GTF2A1L: variants seen among roughly 807,000 people sequenced by gnomAD.
GTF2A1L encodes the protein TFIIA-alpha and beta-like factor.
A neutral mutation model predicts 49.7 loss-of-function variants in GTF2A1L; 48 were observed. That is an observed-to-expected ratio of 0.97 (90% CI 0.77 to 1.23). The LOEUF (loss-of-function observed/expected upper bound fraction) is 1.23. Ranked by LOEUF, GTF2A1L falls within the 50% of genes most tolerant of loss-of-function variation. The pLI, the probability that GTF2A1L is intolerant of heterozygous loss-of-function variation, is 0.00. For missense variants in GTF2A1L, 736 were observed against 564.8 expected (o/e 1.30, Z -3.07); for synonymous variants, 246 against 193.5 (o/e 1.27, Z -2.25).
chr2:48,627,152 T>C (rs1413339347), intron 3 of GTF2A1L, among the ~76,000 whole-genome samples: 1 of 144,104 alleles, frequency 6.9e-6, no homozygotes, highest in African/African-American at 2.5e-5. Flanking sequence ...ATGTTGTTTT[T>C]GTGAAAGTAT....
intron 5 of GTF2A1L, among the ~76,000 whole-genome samples, chr2:48,646,252 A>G (rs946025010): frequency 6.6e-6 from 1 of 152,060 alleles, no homozygotes; most frequent in Non-Finnish European, 1.5e-5. Flanking sequence ...TGTAATTAAA[A>G]AAATAAGAAT....
chr2:48,662,799 T>C lies in GTF2A1L; in HGVS notation c.979-6923T>C, dbSNP rs73931117. 7.1e-3 allele frequency among the ~76,000 whole-genome samples: 1,080 copies of C among 152,234 alleles called. 23 individuals carry two copies. Among genetic ancestry groups the C allele is most frequent in the African/African-American group, 0.024 (1,005 of 41,522 alleles). On this transcript the variant is annotated intron_variant, in intron 6 of 8. Coordinates refer to ENST00000403751, the MANE Select transcript of GTF2A1L (RefSeq NM_006872.5). ...CTTTTCTCTTGATGCTTTAAAGGTATATATTTTTTAAATTTATTTCCAACT... is the reference window on the plus strand; with the variant it reads ...CTTTTCTCTTGATGCTTTAAAGGTACATATTTTTTAAATTTATTTCCAACT...
At chr2:48,671,520 A>G (rs2104309259) in intron 7 of GTF2A1L, 71 bp from the exon 8 acceptor site, 9 of 1,499,382 alleles carry the variant, frequency 6.0e-6, no homozygotes, top group East Asian at 4.6e-5. Context: ...CTTTATTTCT[A>G]TATGTCTCTT....
rs1460637087 is a variant in GTF2A1L, at chr2:48,629,203, C to T, written c.247+7913C>T. ...TTGCAGTGAGCCAAGATCATGTCAC[C>T]GCACTCTAGCCTGGGCAACAGAGCG... On this transcript the variant is annotated intron_variant, in intron 3 of 8. Transcript: ENST00000403751. Among the ~76,000 whole-genome samples, 12 of 141,564 alleles carry T rather than the reference C, an allele frequency of 8.5e-5. 4 individuals carry two copies. The highest frequency in any genetic ancestry group is 4.0e-4 in the East Asian group (2 of 5,058). 92.9% of individuals were successfully genotyped at this position (141,564 alleles called of 152,430 possible).
chr2:48,665,389 C>G (rs1327406026), intron 6 of GTF2A1L, among the ~76,000 whole-genome samples: 1 of 126,038 alleles, frequency 7.9e-6, no homozygotes, highest in African/African-American at 3.0e-5. Flanking sequence ...CCTTCTTTTT[C>G]TAGTTTCTTA....
At chr2:48,677,748 A>G (rs1679550676) in intron 8 of GTF2A1L, among the ~76,000 whole-genome samples, 1 of 152,024 alleles carries the variant, frequency 6.6e-6, no homozygotes, top group Non-Finnish European at 1.5e-5. Context: ...AGATAAGAGT[A>G]ACAGTAGTGG....
intron 1 of GTF2A1L, among the ~76,000 whole-genome samples, chr2:48,618,407 C>G (rs1327489642): frequency 6.6e-6 from 1 of 152,190 alleles, no homozygotes; most frequent in Non-Finnish European, 1.5e-5. Flanking sequence ...ACCCTCCTAC[C>G]TCTAACGGAC....
Position 48,679,513 on chromosome 2 carries a change from T to C in GTF2A1L, c.*71T>C. 1.9e-6 allele frequency: 3 copies of C among 1,588,050 alleles called. No homozygotes were observed. The highest frequency in any genetic ancestry group is 1.7e-4 in the Middle Eastern group (1 of 5,930). ...ATATTGCATATTGTGAATTCATTTT[T>C]ATTTTGAATATAGTCCAGCACAGAG... On this transcript the variant is annotated 3_prime_UTR_variant, in exon 9 of 9. Transcript: ENST00000403751.
chr2:48,644,914 G>A (rs1391662872), intron 4 of GTF2A1L, 119 bp from the exon 5 acceptor site: 1 of 797,022 alleles, frequency 1.3e-6, no homozygotes, highest in African/African-American at 1.8e-5. Context: ...AATATTAAAT[G>A]TTAAGTATTG....
chr2:48,654,868 G>A (rs1427788355), intron 6 of GTF2A1L, among the ~76,000 whole-genome samples: 1 of 152,076 alleles, frequency 6.6e-6, no homozygotes, highest in Non-Finnish European at 1.5e-5. Flanking sequence ...TAATTCATGT[G>A]ACTATCTTTT....
intron 6 of GTF2A1L, chr2:48,668,550 A>C (rs377307142): frequency 1.2e-4 from 18 of 152,306 alleles, no homozygotes; most frequent in African/African-American, 4.1e-4. Flanking sequence ...TACACTGAAG[A>C]GTGAAGCGCA....
Position 48,627,730 on chromosome 2 carries a change from A to G in GTF2A1L, c.247+6440A>G, listed in dbSNP as rs543505239. Among the ~76,000 whole-genome samples, 63 of 143,148 alleles carry G rather than the reference A, an allele frequency of 4.4e-4. 11 individuals are homozygous for G. In the South Asian group the frequency reaches 0.014, roughly 32 times the overall value. 93.9% of individuals were successfully genotyped at this position (143,148 alleles called of 152,430 possible). A position where few individuals can be genotyped will look rare whatever the true frequency, so the allele number is the denominator to read the frequency against. ...GAGGCCATGTTTTTTTTTCTTTTCA[A>G]CTTTTATTCTAGATTCAGGGGTACA... On this transcript the variant is annotated intron_variant, in intron 3 of 8. Transcript: ENST00000403751.
At chr2:48,618,143 T>G (rs1461786050) in intron 1 of GTF2A1L, 1 of 510,436 alleles carries the variant, frequency 2.0e-6, no homozygotes, top group Non-Finnish European at 3.5e-6. Flanking sequence ...TTACCCAAAC[T>G]GAGGCTATCT....
intron 4 of GTF2A1L, 28 bp from the exon 5 acceptor site, chr2:48,645,005 C>G (rs749622240): frequency 6.3e-7 from 1 of 1,575,726 alleles, no homozygotes; most frequent in South Asian, 1.2e-5. Flanking sequence ...CCTTTTCTAA[C>G]TTTCTAATAT....
chr2:48,663,232 A>G (rs1246642316), intron 6 of GTF2A1L, among the ~76,000 whole-genome samples: 1 of 152,056 alleles, frequency 6.6e-6, no homozygotes, highest in Non-Finnish European at 1.5e-5. Flanking sequence ...TCAGGAGTTC[A>G]AGACCAGCCT....
At chr2:48,656,875 T>C (rs1432674576) in intron 6 of GTF2A1L, among the ~76,000 whole-genome samples, 6 of 152,196 alleles carry the variant, frequency 3.9e-5, no homozygotes, top group African/African-American at 1.4e-4. Flanking sequence ...TTTTCGTAGA[T>C]GGTATAAATT....
intron 6 of GTF2A1L, among the ~76,000 whole-genome samples, chr2:48,660,505 C>T (rs767162843): frequency 7.2e-5 from 11 of 151,932 alleles, no homozygotes; most frequent in Non-Finnish European, 1.2e-4. Context: ...GTCTAGATTG[C>T]GTATTTCTAG....
intron 8 of GTF2A1L, among the ~76,000 whole-genome samples, chr2:48,673,416 G>A (rs1166109434): frequency 7.1e-6 from 1 of 141,118 alleles, no homozygotes; most frequent in Non-Finnish European, 1.5e-5. Context: ...AGGCTGGAGT[G>A]TAGTGGCGTG....
intron 6 of GTF2A1L, among the ~76,000 whole-genome samples, chr2:48,664,620 A>C (rs1187941318): frequency 6.6e-6 from 1 of 152,000 alleles, no homozygotes; most frequent in Non-Finnish European, 1.5e-5. Context: ...TAGAGTTTTT[A>C]GCTTTCTGAA....
Sources: gnomAD v4.1 joint callset for allele counts (sites outside exome capture counted in the v4.1 genomes callset) on GRCh38, gnomAD v4.1.1 for gene constraint, MANE v1.5 for transcripts, NCBI Gene and HGNC (gene_info 2026-07-23, HGNC 2026-07-21) for gene names.